TMEM231: variants seen among roughly 807,000 people sequenced by gnomAD.
TMEM231 encodes transmembrane protein 231.
TMEM231 carries 40 observed loss-of-function variants against 38.5 expected under a neutral mutation model. The ratio of observed to expected loss-of-function variants is 1.04; its 90% confidence interval spans 0.81 to 1.35. The LOEUF (loss-of-function observed/expected upper bound fraction) is 1.35, where lower values mean the gene tolerates loss of function less well. Ranked by LOEUF, TMEM231 falls within the 40% of genes most tolerant of loss-of-function variation. TMEM231 has a pLI of 0.00. For synonymous variants in TMEM231, 199 were observed against 181.7 expected (o/e 1.10, Z -0.77); for missense variants, 420 against 416.9 (o/e 1.01, Z -0.07).
intron 2 of TMEM231, among the ~76,000 whole-genome samples, chr16:75,550,024 T>C (rs1240115237): frequency 6.6e-6 from 1 of 152,152 alleles, no homozygotes. Context: ...GAATTTAACA[T>C]AGGGAATAAA....
Position 75,539,311 on chromosome 16 carries a change from AAGAGCCC to A in TMEM231, c.*676_*682del, listed in dbSNP as rs1432021233. ...CACAGACAGAGGGAAAAATAGGGCAAAGAGCCCAGTCACAGTACGGCAAAGATCCAGG... is the reference window on the plus strand; with the variant it reads ...CACAGACAGAGGGAAAAATAGGGCAAAGTCACAGTACGGCAAAGATCCAGG... On this transcript the variant is annotated 3_prime_UTR_variant, in exon 7 of 7. Coordinates refer to ENST00000258173, the MANE Select transcript of TMEM231 (RefSeq NM_001077418.3). 2.0e-5 allele frequency: 3 copies of A among 152,516 alleles called. No individual in the cohort carries two copies. The highest frequency in any genetic ancestry group is 4.4e-5 in the Non-Finnish European group (3 of 68,236). 9.4% of individuals were successfully genotyped at this position (152,516 alleles called of 1,614,324 possible).
At chr16:75,541,517 T>C in intron 5 of TMEM231, 62 bp from the exon 6 acceptor site, 1 of 1,069,850 alleles carries the variant, frequency 9.3e-7, no homozygotes, top group Non-Finnish European at 1.3e-6. Flanking sequence ...TTGAAGGCTA[T>C]AAAGATTATT....
At chr16:75,547,748 C>T (rs574759463) in intron 2 of TMEM231, among the ~76,000 whole-genome samples, 2 of 152,104 alleles carry the variant, frequency 1.3e-5, no homozygotes, top group South Asian at 2.1e-4. Flanking sequence ...CACTGCACTC[C>T]AGCCTGGTGA....
rs2080597931 is a variant in TMEM231 at position 75,539,697 on chromosome 16, G to C, written c.*297C>G. 3.7e-6 allele frequency: 1 copy of C among 268,878 alleles called. No homozygotes were observed. The highest frequency in any genetic ancestry group is 5.2e-5 in the Admixed American group (1 of 19,274). 16.7% of individuals were successfully genotyped at this position (268,878 alleles called of 1,614,324 possible). ...AGATGGGACTCTTTCCAAGATGTCT[G>C]AACTGACTGCAATTTTCTCCTGAAA... On this transcript the variant is annotated 3_prime_UTR_variant, in exon 7 of 7. Coordinates refer to ENST00000258173, the MANE Select transcript of TMEM231 (RefSeq NM_001077418.3).
At position 75,539,906 on chromosome 16, in the gene TMEM231, G is replaced by A. The variant is rs927178924; in HGVS notation, c.*88C>T. Reference sequence around the variant, plus strand: ...AAAGCACACAAGCCCGCAGGTGTCCGCTGGGCTCTTTCAAAAGGTCCTAAG... The same window carrying A: ...AAAGCACACAAGCCCGCAGGTGTCCACTGGGCTCTTTCAAAAGGTCCTAAG... On this transcript the variant is annotated 3_prime_UTR_variant, in exon 7 of 7. Coordinates refer to ENST00000258173, the MANE Select transcript of TMEM231 (RefSeq NM_001077418.3). 51 of 1,195,144 alleles carry A rather than the reference G, an allele frequency of 4.3e-5. No homozygotes were observed. The Admixed American group carries it at 5.4e-4, about 13-fold the overall frequency. The allele number at this position is 1,195,144 out of a possible 1,614,324, so 74.0% of individuals were successfully genotyped here. A position where few individuals can be genotyped will look rare whatever the true frequency, so the allele number is the denominator to read the frequency against.
chr16:75,537,938 T>C lies in TMEM231; in HGVS notation c.*2056A>G, dbSNP rs1458063125. The C allele has an allele frequency of 6.6e-6, 1 of 152,174 alleles. No homozygotes were observed. The highest frequency in any genetic ancestry group is 1.5e-5 in the Non-Finnish European group (1 of 68,046). 9.4% of individuals were successfully genotyped at this position (152,174 alleles called of 1,614,324 possible). A position where few individuals can be genotyped will look rare whatever the true frequency, so the allele number is the denominator to read the frequency against. On this transcript the variant is annotated 3_prime_UTR_variant, in exon 7 of 7. Transcript: ENST00000258173. ...GCATGTGAATCCCACTGAAAACTCA[T>C]CTACCTGGGGAAGAACTAGGGGACT...
Position 75,536,979 on chromosome 16 carries a change from G to T in TMEM231, c.*3015C>A, listed in dbSNP as rs759632604. Reference sequence around the variant, plus strand: ...TCTACTAAAAACACAAAAATTAGCCGGGCATGGTGGTGGGCACCCGTAATC... The same window carrying T: ...TCTACTAAAAACACAAAAATTAGCCTGGCATGGTGGTGGGCACCCGTAATC... On this transcript the variant is annotated 3_prime_UTR_variant, in exon 7 of 7. Coordinates refer to ENST00000258173, the MANE Select transcript of TMEM231 (RefSeq NM_001077418.3). 1 of 151,944 alleles carries T rather than the reference G, an allele frequency of 6.6e-6. No individual in the cohort carries two copies. Among genetic ancestry groups the T allele is most frequent in the Non-Finnish European group, 1.5e-5 (1 of 68,008 alleles). The allele number at this position is 151,944 out of a possible 1,614,324, so 9.4% of individuals were successfully genotyped here.
At position 75,556,073 on chromosome 16, in the gene TMEM231, T is replaced by G; in HGVS notation, c.137A>C (p.His46Pro). ...CACAGCGGCCGGGGCAGGCTCACCG[T>G]GGCTCCGGAAGGCCACCAGCAGCGG... ...IPPLLVAFRS[H>P]GFWLKRSSYE... Residue 46 changes from histidine to proline, a missense_variant and splice_region_variant, in exon 1 of 7, where the codon CAC becomes CCC. Physicochemically the swap from His to Pro is moderately conservative, Grantham distance 77 (BLOSUM62 -2). Transcript: ENST00000258173. 1 of 1,566,752 alleles carries G rather than the reference T, an allele frequency of 6.4e-7. No individual in the cohort carries two copies. Among genetic ancestry groups the G allele is most frequent in the South Asian group, 1.2e-5 (1 of 85,806 alleles).
intron 2 of TMEM231, among the ~76,000 whole-genome samples, chr16:75,546,824 G>A (rs1189940738): frequency 2.0e-5 from 3 of 152,172 alleles, no homozygotes; most frequent in Non-Finnish European, 4.4e-5. Context: ...CTCATCATTC[G>A]TGTGAGGACC....
intron 5 of TMEM231, chr16:75,541,799 T>C (rs1214889503): frequency 6.2e-6 from 1 of 161,770 alleles, no homozygotes; most frequent in Non-Finnish European, 1.3e-5. Flanking sequence ...TAAAAGTAAC[T>C]TGGATCCCAA....
intron 2 of TMEM231, among the ~76,000 whole-genome samples, chr16:75,547,110 C>G (rs997539377): frequency 1.3e-5 from 2 of 152,196 alleles, no homozygotes; most frequent in African/African-American, 4.8e-5. Context: ...GTGATCACTG[C>G]TGACATGGTC....
intron 2 of TMEM231, among the ~76,000 whole-genome samples, chr16:75,551,138 G>C (rs2080756015): frequency 1.3e-5 from 2 of 152,246 alleles, no homozygotes; most frequent in African/African-American, 4.8e-5. Context: ...CCAGTTGTGG[G>C]TCTCTAGCAA....
chr16:75,541,630 A>T (rs2080629527), intron 5 of TMEM231, 175 bp from the exon 6 acceptor site: 1 of 422,270 alleles, frequency 2.4e-6, no homozygotes, highest in South Asian at 5.8e-5. Context: ...TGTTAAAATA[A>T]TAGTCAAAAT....
At chr16:75,553,944 G>A (rs1458113236) in intron 2 of TMEM231, among the ~76,000 whole-genome samples, 1 of 152,054 alleles carries the variant, frequency 6.6e-6, no homozygotes, top group Non-Finnish European at 1.5e-5. Context: ...GTTCCCACAA[G>A]GAAAGATGAT....
intron 2 of TMEM231, among the ~76,000 whole-genome samples, chr16:75,552,965 G>A (rs59343208): frequency 0.46 from 70,312 of 151,950 alleles, 18,790 homozygotes; most frequent in East Asian, 0.95. Flanking sequence ...GCTTGAGGGG[G>A]AAAAAGTCAC....
intron 6 of TMEM231, among the ~76,000 whole-genome samples, chr16:75,540,887 G>A (rs1053255118): frequency 2.6e-5 from 4 of 152,164 alleles, no homozygotes; most frequent in Admixed American, 2.6e-4. Context: ...TGTCAAAGAC[G>A]CAGCCATTTT....
At chr16:75,546,005 G>A (rs1310236349) in intron 2 of TMEM231, 51 bp from the exon 3 acceptor site, 2 of 1,560,510 alleles carry the variant, frequency 1.3e-6, no homozygotes, top group African/African-American at 2.7e-5. Flanking sequence ...GAGTCTGGGA[G>A]GAATCCACAT....
intron 2 of TMEM231, among the ~76,000 whole-genome samples, chr16:75,553,621 CAAA>C (rs60225459): frequency 1.7e-3 from 154 of 91,600 alleles, no homozygotes; most frequent in Admixed American, 2.8e-3. Context: ...AACTCTGTTG[CAAA>C]AAAAAAAAAA....
chr16:75,545,713 C>T, intron 3 of TMEM231, 113 bp downstream of exon 3: 2 of 583,974 alleles, frequency 3.4e-6, no homozygotes, highest in Non-Finnish European at 5.5e-6. Context: ...AAATCCCAAA[C>T]TACATGGGGA....
Sources: gnomAD v4.1 joint callset for allele counts (sites outside exome capture counted in the v4.1 genomes callset) on GRCh38, gnomAD v4.1.1 for gene constraint, MANE v1.5 for transcripts, NCBI Gene and HGNC (gene_info 2026-07-23, HGNC 2026-07-21) for gene names.